The following SLC24A2 variants were observed in gnomAD, a reference collection of about 807,000 sequenced individuals.
SLC24A2 encodes the protein sodium/potassium/calcium exchanger 2.
SLC24A2 carries 36 observed loss-of-function variants against 62.0 expected under a neutral mutation model. The ratio of observed to expected loss-of-function variants is 0.58; its 90% confidence interval spans 0.44 to 0.77. The LOEUF (loss-of-function observed/expected upper bound fraction) is 0.77, where lower values mean the gene tolerates loss of function less well. SLC24A2 is among the 30% of genes least tolerant of loss of function. The pLI, the probability that SLC24A2 is intolerant of heterozygous loss-of-function variation, is 0.00. For missense variants in SLC24A2, 846 were observed against 817.9 expected, an observed-to-expected ratio of 1.03 and a Z score of -0.42; for synonymous variants, 358 against 294.0, an observed-to-expected ratio of 1.22 and a Z score of -2.23.
upstream of SLC24A2, among the ~76,000 whole-genome samples, chr9:19,792,859 TTC>T (rs1179931357): frequency 1.3e-5 from 2 of 152,372 alleles, no homozygotes; most frequent in Middle Eastern, 3.4e-3. Flanking sequence ...AATCTCTAGC[TTC>T]TCTGTTATTA....
At position 19,772,612 on chromosome 9, in the gene SLC24A2, C is replaced by T. The variant is rs992429524; in HGVS notation, c.930+13325G>A. On this transcript the variant is annotated intron_variant, in intron 2 of 10. Coordinates refer to ENST00000341998, the MANE Select transcript of SLC24A2 (RefSeq NM_020344.4). ...CTATACAAATGGCCAATAAGTCCAA[C>T]GTTATCATTAATCAGGAAAATGCAA... 3.9e-5 allele frequency among the ~76,000 whole-genome samples: 6 copies of T among 152,248 alleles called. No homozygotes were observed. In the South Asian group the frequency reaches 6.2e-4, roughly 16 times the overall value.
chr9:20,115,455 C>G, the SLC24A2 span, among the ~76,000 whole-genome samples: 6 of 152,086 alleles, frequency 3.9e-5, no homozygotes, highest in South Asian at 2.1e-4. Context: ...GACCCTGATT[C>G]TGAGGCAGTT....
intron 5 of SLC24A2, among the ~76,000 whole-genome samples, chr9:19,581,723 T>G (rs929064561): frequency 6.6e-6 from 1 of 152,208 alleles, no homozygotes; most frequent in Admixed American, 6.5e-5. Context: ...AAGGGATTGC[T>G]CAGATATTTC....
the SLC24A2 span, among the ~76,000 whole-genome samples, chr9:19,808,453 T>C: frequency 1.3e-5 from 2 of 152,170 alleles, no homozygotes; most frequent in East Asian, 3.9e-4. The surrounding 1 kb of genome is among the most constrained non-coding windows in gnomAD (Gnocchi z 4.1). Context: ...AGTTTTCTGA[T>C]TTAGTGTGGG....
At chr9:20,075,321 T>G in the SLC24A2 span, among the ~76,000 whole-genome samples, 1 of 152,210 alleles carries the variant, frequency 6.6e-6, no homozygotes. Context: ...ACCTCCATTT[T>G]ACAGATGAGA....
the SLC24A2 span, among the ~76,000 whole-genome samples, chr9:20,127,605 G>A: frequency 6.6e-6 from 1 of 151,902 alleles, no homozygotes; most frequent in Non-Finnish European, 1.5e-5. Context: ...TAATGTGCAG[G>A]TATATTGCAG....
intron 2 of SLC24A2, among the ~76,000 whole-genome samples, chr9:19,776,304 C>T (rs572977852): frequency 1.1e-4 from 16 of 152,314 alleles, no homozygotes; most frequent in African/African-American, 2.4e-4. Flanking sequence ...CAAGTTCAAA[C>T]GCCATTTAAA....
chr9:19,840,052 T>G, the SLC24A2 span, among the ~76,000 whole-genome samples: 1 of 152,340 alleles, frequency 6.6e-6, no homozygotes, highest in South Asian at 2.1e-4. Flanking sequence ...CATTAAGTGA[T>G]GCATGACTGT....
intron 10 of SLC24A2, among the ~76,000 whole-genome samples, chr9:19,519,027 T>C (rs1833067597): frequency 6.6e-6 from 1 of 152,096 alleles, no homozygotes; most frequent in African/African-American, 2.4e-5. Context: ...TGATCAAAAC[T>C]CCCATAGCAG....
chr9:20,177,350 C>A, the SLC24A2 span, among the ~76,000 whole-genome samples: 2 of 152,098 alleles, frequency 1.3e-5, no homozygotes, highest in African/African-American at 4.8e-5. Flanking sequence ...CTGCCCCAAC[C>A]TCTCTAGAAA....
the SLC24A2 span, among the ~76,000 whole-genome samples, chr9:20,284,782 G>T: frequency 6.6e-6 from 1 of 152,102 alleles, no homozygotes; most frequent in Non-Finnish European, 1.5e-5. Context: ...GGGGTCCTCA[G>T]CCTCTCCTAT....
chr9:20,249,010 C>T, the SLC24A2 span, among the ~76,000 whole-genome samples: 1 of 152,172 alleles, frequency 6.6e-6, no homozygotes, highest in South Asian at 2.1e-4. Context: ...ACAGCAGAGG[C>T]TCAGGCTGGC....
chr9:20,019,107 A>T, the SLC24A2 span, among the ~76,000 whole-genome samples: 1 of 30,210 alleles, frequency 3.3e-5, no homozygotes, highest in Non-Finnish European at 5.2e-5. Context: ...GAAAGATAGA[A>T]AGAAAGAAAG....
the SLC24A2 span, among the ~76,000 whole-genome samples, chr9:20,168,084 GT>G: frequency 2.0e-5 from 3 of 151,908 alleles, no homozygotes; most frequent in African/African-American, 7.3e-5. Context: ...CAGAAAAAAT[GT>G]ATTCAAATAT....
At chr9:19,877,869 C>T in the SLC24A2 span, among the ~76,000 whole-genome samples, 2 of 152,162 alleles carry the variant, frequency 1.3e-5, no homozygotes, top group Non-Finnish European at 2.9e-5. Context: ...TTAATTTACA[C>T]CTTCAACCCT....
chr9:19,842,335 T>A, the SLC24A2 span, among the ~76,000 whole-genome samples: 2 of 152,140 alleles, frequency 1.3e-5, no homozygotes, highest in Non-Finnish European at 2.9e-5. Context: ...TACTCCATGA[T>A]CCAGAAGCAG....
the SLC24A2 span, among the ~76,000 whole-genome samples, chr9:19,849,947 G>A: frequency 6.6e-6 from 1 of 151,952 alleles, no homozygotes; most frequent in African/African-American, 2.4e-5. Flanking sequence ...ACATTTGAAA[G>A]GCAGTTAGCA....
intron 3 of SLC24A2, among the ~76,000 whole-genome samples, chr9:19,620,975 C>T (rs1449706389): frequency 6.6e-6 from 1 of 152,074 alleles, no homozygotes; most frequent in Non-Finnish European, 1.5e-5. Context: ...TGATCAAATA[C>T]ATATTGGATA....
the SLC24A2 span, among the ~76,000 whole-genome samples, chr9:19,860,930 T>C: frequency 2.0e-5 from 3 of 152,156 alleles, no homozygotes; most frequent in South Asian, 2.1e-4. Flanking sequence ...AGCAGTACAA[T>C]AGAATACCAG....
Sources: allele counts gnomAD v4.1 joint callset (sites outside exome capture counted in the v4.1 genomes callset), GRCh38; gene constraint gnomAD v4.1.1; non-coding constraint Gnocchi (gnomAD v3.1); transcripts MANE v1.5; gene names NCBI Gene and HGNC (gene_info 2026-07-23, HGNC 2026-07-21).